CLEC12A: variants seen among roughly 807,000 people sequenced by gnomAD.
CLEC12A encodes C-type lectin protein CLL-1.
A neutral mutation model predicts 26.5 loss-of-function variants in CLEC12A; 22 were observed. The observed-to-expected ratio is 0.83, with a 90% CI of 0.59 to 1.19. CLEC12A has a LOEUF of 1.19. Ranked by LOEUF, CLEC12A falls within the 50% of genes most tolerant of loss-of-function variation. The pLI, the probability that CLEC12A is intolerant of heterozygous loss-of-function variation, is 0.00. For synonymous variants in CLEC12A, 119 were observed against 101.9 expected (o/e 1.17, Z -1.01); for missense variants, 353 against 315.6 (o/e 1.12, Z -0.90).
In CLEC12A at chr12:9,985,314, T is replaced by C; in HGVS notation, c.*288T>C. The C allele has an allele frequency of 2.5e-6, 1 of 399,590 alleles. No individual in the cohort carries two copies. The highest frequency in any genetic ancestry group is 4.4e-6 in the Non-Finnish European group (1 of 227,994). The allele number at this position is 399,590 out of a possible 1,614,324, so 24.8% of individuals were successfully genotyped here. The stretch of plus-strand genomic sequence containing the variant: ...GTGGGGGGCCTTCGAATTTTCATTT[T>C]CATTTACGTTCTTCCCCTTCTGGCC... On this transcript the variant is annotated 3_prime_UTR_variant, in exon 6 of 6. Transcript: ENST00000304361.
chr12:9,964,310 G>A (rs1005325337), intron 1 of CLEC12A, among the ~76,000 whole-genome samples: 7 of 151,990 alleles, frequency 4.6e-5, no homozygotes, highest in African/African-American at 1.7e-4. Flanking sequence ...TGCCTAGTCT[G>A]CATGTAAGGT....
At chr12:10,001,993 C>T in the CLEC12A span, among the ~76,000 whole-genome samples, 1 of 151,596 alleles carries the variant, frequency 6.6e-6, no homozygotes, top group Non-Finnish European at 1.5e-5. Context: ...CGTTCTCCTG[C>T]CTCAGCCTCC....
chr12:9,993,640 A>G (rs1437719544), intron 4 of CLEC12A, among the ~76,000 whole-genome samples: 1 of 151,988 alleles, frequency 6.6e-6, no homozygotes, highest in East Asian at 1.9e-4. Context: ...CAGGACTCAG[A>G]TGAACTGACA....
intron 4 of CLEC12A, among the ~76,000 whole-genome samples, chr12:9,994,673 C>T (rs1478932717): frequency 6.6e-6 from 1 of 151,992 alleles, no homozygotes; most frequent in Non-Finnish European, 1.5e-5. Context: ...CTTGGAGACT[C>T]CCAGAATAGA....
chr12:9,984,123 G>A (rs190267660), intron 5 of CLEC12A: 2,545 of 177,206 alleles, frequency 0.014, 33 homozygotes, highest in Non-Finnish European at 0.022. Flanking sequence ...GTGTGTGTGT[G>A]TATATATATC....
At chr12:9,986,616 G>C (rs551866976), downstream of CLEC12A, among the ~76,000 whole-genome samples, 6 of 152,230 alleles carry the variant, frequency 3.9e-5, no homozygotes, top group South Asian at 1.2e-3. Context: ...TTCAAGACCA[G>C]ACTGGCTAAC....
downstream of CLEC12A, among the ~76,000 whole-genome samples, chr12:9,986,735 C>T (rs894731013): frequency 7.2e-5 from 11 of 152,044 alleles, no homozygotes; most frequent in Non-Finnish European, 1.3e-4. Context: ...CGCTTGAACC[C>T]GGGAGGCAAA....
chr12:9,957,067 A>G (rs1863752627), intron 1 of CLEC12A, among the ~76,000 whole-genome samples: 1 of 152,210 alleles, frequency 6.6e-6, no homozygotes, highest in African/African-American at 2.4e-5. Context: ...AATTAATTTC[A>G]AAGTTTATTT....
chr12:9,951,667 C>G, intron 1 of CLEC12A: 1 of 380,224 alleles, frequency 2.6e-6, no homozygotes, highest in Non-Finnish European at 5.0e-6. Context: ...AGTTTGGACT[C>G]TCTTGGGACT....
chr12:9,983,646 T>C (rs1369820489), intron 5 of CLEC12A: 2 of 599,952 alleles, frequency 3.3e-6, no homozygotes, highest in Non-Finnish European at 3.0e-6. Context: ...GAGTCAACTG[T>C]GTTGAGGTGC....
downstream of CLEC12A, chr12:9,998,930 A>G: frequency 3.0e-6 from 2 of 668,902 alleles, no homozygotes; most frequent in Non-Finnish European, 5.0e-6. Flanking sequence ...ACATCATTCA[A>G]GAAAAAGAAA....
At chr12:10,003,871 G>A in the CLEC12A span, among the ~76,000 whole-genome samples, 1 of 152,280 alleles carries the variant, frequency 6.6e-6, no homozygotes, top group South Asian at 2.1e-4. Context: ...AGCCAAAATT[G>A]TGCCATTGCA....
At chr12:9,961,809 G>T (rs187081908) in intron 1 of CLEC12A, among the ~76,000 whole-genome samples, 1 of 152,176 alleles carries the variant, frequency 6.6e-6, no homozygotes, top group East Asian at 1.9e-4. Flanking sequence ...GCCTACATAT[G>T]GTTCAGAAAA....
downstream of CLEC12A, chr12:9,998,530 T>C: frequency 1.9e-6 from 1 of 521,012 alleles, no homozygotes; most frequent in Non-Finnish European, 3.6e-6. Context: ...CTCCTCATGA[T>C]CATCAACAAT....
rs975292876 is a variant in CLEC12A, at chr12:9,951,618, C to G, written c.10+262C>G. On this transcript the variant is annotated intron_variant, in intron 1 of 6. Transcript: ENST00000355690. Reference sequence around the variant, plus strand: ...AAGGAATCTCCATTTGCAGATTGAACTAGCCCAACAAACAGGGAGAAAGCA... The same window carrying G: ...AAGGAATCTCCATTTGCAGATTGAAGTAGCCCAACAAACAGGGAGAAAGCA... 33 of 487,020 alleles carry G rather than the reference C, an allele frequency of 6.8e-5. 1 individual carries two copies. The highest frequency in any genetic ancestry group is 1.0e-4 in the Non-Finnish European group (28 of 266,914). 30.2% of individuals were successfully genotyped at this position (487,020 alleles called of 1,614,324 possible).
At chr12:9,997,219 T>C (rs1271336822), downstream of CLEC12A, 3 of 1,613,956 alleles carry the variant, frequency 1.9e-6, no homozygotes, top group Non-Finnish European at 2.5e-6. Context: ...CTTTGCTAAT[T>C]GTTGCAGAGT....
chr12:9,976,519 G>T (rs1397815744), intron 1 of CLEC12A, among the ~76,000 whole-genome samples: 2 of 152,210 alleles, frequency 1.3e-5, no homozygotes, highest in African/African-American at 4.8e-5. Context: ...TCCAATGCCT[G>T]TACTCTCATT....
Position 9,959,321 on chromosome 12 carries a change from G to A in CLEC12A, c.10+7965G>A, listed in dbSNP as rs193025046. Among the ~76,000 whole-genome samples the A allele has an allele frequency of 2.9e-3, 436 of 151,956 alleles. 4 individuals are homozygous for A. Among genetic ancestry groups the A allele is most frequent in the African/African-American group, 9.9e-3 (412 of 41,428 alleles). On this transcript the variant is annotated intron_variant, in intron 1 of 6. Transcript: ENST00000355690. ...CAAAAAATTAGCTGGGCGTGGTGGC[G>A]GGCACCTGTAACCCCAGCTACTCTG...
At chr12:9,975,778 C>G (rs1864310631) in intron 1 of CLEC12A, among the ~76,000 whole-genome samples, 1 of 152,162 alleles carries the variant, frequency 6.6e-6, no homozygotes, top group Admixed American at 6.5e-5. Context: ...AGCAGCCCCT[C>G]CCATCACATG....
Sources: allele counts gnomAD v4.1 joint callset (sites outside exome capture counted in the v4.1 genomes callset), GRCh38; gene constraint gnomAD v4.1.1; transcripts MANE v1.5; gene names NCBI Gene and HGNC (gene_info 2026-07-23, HGNC 2026-07-21).